ACTR3: variants seen among roughly 807,000 people sequenced by gnomAD.
ACTR3 encodes the protein actin related protein 3.
In ACTR3, 12 loss-of-function variants were observed where a neutral mutation model predicts 56.8. The ratio of observed to expected loss-of-function variants is 0.21; its 90% CI spans 0.14 to 0.34. The LOEUF (loss-of-function observed/expected upper bound fraction) is 0.34. Ranked by LOEUF, ACTR3 falls within the 10% of genes least tolerant of loss-of-function variation. The pLI is 1.00. For missense variants in ACTR3, 282 were observed against 512.5 expected, an observed-to-expected ratio of 0.55 and a Z score of 4.34; for synonymous variants, 162 against 167.4, an observed-to-expected ratio of 0.97 and a Z score of 0.25.
intron 1 of ACTR3, among the ~76,000 whole-genome samples, chr2:113,901,689 ATTTAT>A (rs1679103004): frequency 6.6e-6 from 1 of 152,134 alleles, no homozygotes; most frequent in African/African-American, 2.4e-5. Flanking sequence ...GGGGTCTTAT[ATTTAT>A]TTTGTTATAT....
At position 113,913,234 on chromosome 2, in the gene ACTR3, ATTTCT is replaced by A. The variant is rs1380914849; in HGVS notation, c.100+11_100+15del. ...CAGTTTATCATCCCTTCCTGTAAGTATTTCTTTTAAGCCACAAATGAGCTGATTTA... is the reference window on the plus strand; with the variant it reads ...CAGTTTATCATCCCTTCCTGTAAGTATTTAAGCCACAAATGAGCTGATTTA... On this transcript the variant is annotated splice_region_variant and intron_variant, in intron 2 of 11. Transcript: ENST00000263238. The A allele has an allele frequency of 1.4e-5, 22 of 1,579,220 alleles. No homozygotes were observed. The highest frequency in any genetic ancestry group is 1.7e-5 in the Non-Finnish European group (20 of 1,161,868).
intron 8 of ACTR3, among the ~76,000 whole-genome samples, chr2:113,946,881 G>A (rs1408763909): frequency 2.0e-5 from 3 of 152,230 alleles, no homozygotes; most frequent in Non-Finnish European, 4.4e-5. Flanking sequence ...GGGAACCGAG[G>A]AGGGTGGGTC....
intron 1 of ACTR3, among the ~76,000 whole-genome samples, chr2:113,899,371 T>C (rs1679060482): frequency 7.0e-6 from 1 of 143,652 alleles, no homozygotes. Flanking sequence ...ACAAAACACA[T>C]ATGAAAGTAA....
Position 113,958,875 on chromosome 2 carries a change from TGTTTA to T in ACTR3, c.*1425_*1429del, listed in dbSNP as rs1448495742. The T allele has an allele frequency of 1.3e-5, 2 of 151,974 alleles. No individual in the cohort carries two copies. Among genetic ancestry groups the T allele is most frequent in the African/African-American group, 4.8e-5 (2 of 41,424 alleles). The allele number at this position is 151,974 out of a possible 1,614,324, so 9.4% of individuals were successfully genotyped here. The stretch of plus-strand genomic sequence containing the variant: ...TATTCAAAAGTGAAAGAATATAAAG[TGTTTA>T]GTTTTTTGTTTTTACTCTAAAGATA... On this transcript the variant is annotated 3_prime_UTR_variant, in exon 12 of 12. Coordinates refer to ENST00000263238, the MANE Select transcript of ACTR3 (RefSeq NM_005721.5).
Position 113,934,406 on chromosome 2 carries a change from A to G in ACTR3, c.540+20A>G, listed in dbSNP as rs1679787077. 7.1e-7 allele frequency: 1 copy of G among 1,413,834 alleles called. No individual in the cohort carries two copies. Among genetic ancestry groups the G allele is most frequent in the Non-Finnish European group, 9.7e-7 (1 of 1,028,492 alleles). 87.6% of individuals were successfully genotyped at this position (1,413,834 alleles called of 1,614,324 possible). A position where few individuals can be genotyped will look rare whatever the true frequency, so the allele number is the denominator to read the frequency against. Reference sequence around the variant, plus strand: ...CCTGTGGTAAGGCTATTTTACAGTTACTGAACAGAACATGAAATAACACAT... The same window carrying G: ...CCTGTGGTAAGGCTATTTTACAGTTGCTGAACAGAACATGAAATAACACAT... On this transcript the variant is annotated intron_variant, in intron 6 of 11. Coordinates refer to ENST00000263238, the MANE Select transcript of ACTR3 (RefSeq NM_005721.5).
At chr2:113,954,517 A>G (rs1680174964) in intron 10 of ACTR3, 1 of 151,486 alleles carries the variant, frequency 6.6e-6, no homozygotes, top group African/African-American at 2.4e-5. Context: ...TGTGGTCTAT[A>G]TCTTTAATAT....
intron 3 of ACTR3, 63 bp from the exon 4 acceptor site, chr2:113,927,282 G>A (rs1343277464): frequency 6.2e-6 from 7 of 1,121,684 alleles, no homozygotes; most frequent in African/African-American, 1.6e-5. Context: ...TTCCTTTTTT[G>A]TATTTTTATT....
At chr2:113,914,199 A>ATAGGAAT (rs61510700) in intron 2 of ACTR3, among the ~76,000 whole-genome samples, 45,233 of 152,080 alleles carry the variant, frequency 0.3, 11,057 homozygotes, top group African/African-American at 0.67. Flanking sequence ...TGAGAATAAG[A>ATAGGAAT]TGTTAGGCTT....
At position 113,959,582 on chromosome 2, in the gene ACTR3, G is replaced by GC. The variant is rs1680290237; in HGVS notation, c.*2130dup. 6.6e-6 allele frequency: 1 copy of GC among 152,012 alleles called. No individual in the cohort carries two copies. The highest frequency in any genetic ancestry group is 1.5e-5 in the Non-Finnish European group (1 of 67,902). 9.4% of individuals were successfully genotyped at this position (152,012 alleles called of 1,614,324 possible). On this transcript the variant is annotated 3_prime_UTR_variant, in exon 12 of 12. Coordinates refer to ENST00000263238, the MANE Select transcript of ACTR3 (RefSeq NM_005721.5). Reference sequence around the variant, plus strand: ...ACTTATTTGGGGAAACAAAACTCCAGCCCTTCTTGTGTATGTTCTGATATC... The same window carrying GC: ...ACTTATTTGGGGAAACAAAACTCCAGCCCCTTCTTGTGTATGTTCTGATATC...
At chr2:113,945,240 A>G (rs549673931) in intron 8 of ACTR3, among the ~76,000 whole-genome samples, 12 of 152,300 alleles carry the variant, frequency 7.9e-5, no homozygotes, top group East Asian at 1.9e-4. Flanking sequence ...TTAAAGGTCA[A>G]ATAACACTGA....
At chr2:113,900,246 A>G (rs758795854) in intron 1 of ACTR3, among the ~76,000 whole-genome samples, 4 of 151,988 alleles carry the variant, frequency 2.6e-5, no homozygotes, top group African/African-American at 9.7e-5. Context: ...GAACATTTTC[A>G]TGACCCCAAA....
chr2:113,956,897 C>CGA (rs1359122907), intron 11 of ACTR3, among the ~76,000 whole-genome samples: 1 of 152,156 alleles, frequency 6.6e-6, no homozygotes, highest in Non-Finnish European at 1.5e-5. Context: ...ATGGAACAGT[C>CGA]TATCTTTTCC....
intron 3 of ACTR3, among the ~76,000 whole-genome samples, chr2:113,920,536 A>G (rs781650809): frequency 7.2e-5 from 11 of 152,232 alleles, no homozygotes; most frequent in Non-Finnish European, 1.5e-4. Context: ...CTGAAAATAT[A>G]TAATAAATTA....
intron 1 of ACTR3, among the ~76,000 whole-genome samples, chr2:113,903,349 T>G (rs1157917155): frequency 6.6e-6 from 1 of 152,120 alleles, no homozygotes; most frequent in East Asian, 1.9e-4. Flanking sequence ...ATTGGGAAAA[T>G]TTTTAGCTAC....
rs901466777 is a variant in ACTR3 at position 113,958,069 on chromosome 2, C to T, written c.*614C>T. ...AGCTAGTATCTTGGATTAACTGATG[C>T]CTGCTAGTGCTTTCTGATTACTCGC... On this transcript the variant is annotated 3_prime_UTR_variant, in exon 12 of 12. Transcript: ENST00000263238. The T allele has an allele frequency of 1.3e-5, 2 of 152,392 alleles. No individual in the cohort carries two copies. The highest frequency in any genetic ancestry group is 2.9e-5 in the Non-Finnish European group (2 of 68,026). 9.4% of individuals were successfully genotyped at this position (152,392 alleles called of 1,614,324 possible).
intron 1 of ACTR3, among the ~76,000 whole-genome samples, chr2:113,895,445 G>A (rs981076920): frequency 2.0e-5 from 3 of 152,090 alleles, no homozygotes; most frequent in African/African-American, 4.8e-5. Context: ...ATGAATGAAT[G>A]AACAAGAATT....
chr2:113,890,351 GA>G, intron 1 of ACTR3, 28 bp downstream of exon 1: 1 of 556,386 alleles, frequency 1.8e-6, no homozygotes, highest in Non-Finnish European at 2.9e-6. Flanking sequence ...CGGGGGTGGG[GA>G]AACTGAGGCG....
chr2:113,897,942 T>C (rs953598220), intron 1 of ACTR3, among the ~76,000 whole-genome samples: 1 of 152,178 alleles, frequency 6.6e-6, no homozygotes, highest in East Asian at 1.9e-4. Flanking sequence ...TTTAAGACTT[T>C]GTGTCATTTG....
At chr2:113,900,137 G>A (rs1679073552) in intron 1 of ACTR3, among the ~76,000 whole-genome samples, 1 of 151,838 alleles carries the variant, frequency 6.6e-6, no homozygotes, top group African/African-American at 2.4e-5. Context: ...GTGTAATTGA[G>A]TAGTTTTTAG....
Sources: gnomAD v4.1 joint callset for allele counts (sites outside exome capture counted in the v4.1 genomes callset) on GRCh38, gnomAD v4.1.1 for gene constraint, MANE v1.5 for transcripts, NCBI Gene and HGNC (gene_info 2026-07-23, HGNC 2026-07-21) for gene names.